The following CPNE8 variants were observed in gnomAD, a reference collection of about 807,000 sequenced individuals.
CPNE8 encodes copine 8.
Under a neutral mutation model 81.5 loss-of-function variants are expected in CPNE8, and 45 were observed. The ratio of observed to expected loss-of-function variants is 0.55; its 90% CI spans 0.44 to 0.71. The LOEUF is 0.71. Among genes scored for constraint, CPNE8 ranks in the 30% least tolerant of loss-of-function variants. CPNE8 has a pLI of 0.00. For missense variants in CPNE8, 594 were observed against 672.1 expected (o/e 0.88, Z 1.28); for synonymous variants, 252 against 226.3 (o/e 1.11, Z -1.02).
intron 6 of CPNE8, among the ~76,000 whole-genome samples, chr12:38,785,858 A>G (rs1263354559): frequency 1.3e-5 from 2 of 152,208 alleles, no homozygotes; most frequent in Non-Finnish European, 2.9e-5. Flanking sequence ...ATAATGAGTT[A>G]TAAGATAATA....
intron 6 of CPNE8, among the ~76,000 whole-genome samples, chr12:38,821,664 T>C (rs1424329476): frequency 2.0e-5 from 3 of 152,186 alleles, no homozygotes; most frequent in African/African-American, 7.2e-5. Context: ...TCATATCCTT[T>C]ACAATCCTTT....
chr12:38,793,629 A>G (rs1942381721), intron 6 of CPNE8, among the ~76,000 whole-genome samples: 1 of 152,010 alleles, frequency 6.6e-6, no homozygotes, highest in South Asian at 2.1e-4. Flanking sequence ...TGTTGTTAAG[A>G]TATCCATATT....
At chr12:38,750,835 G>A (rs1406366369) in intron 10 of CPNE8, among the ~76,000 whole-genome samples, 1 of 152,148 alleles carries the variant, frequency 6.6e-6, no homozygotes, top group Non-Finnish European at 1.5e-5. Context: ...TGTTGGGAGG[G>A]CATGATTGGT....
At chr12:38,811,506 T>C (rs1479148377) in intron 6 of CPNE8, among the ~76,000 whole-genome samples, 1 of 152,196 alleles carries the variant, frequency 6.6e-6, no homozygotes, top group African/African-American at 2.4e-5. Context: ...TTCAGTTATA[T>C]AAATTAAGAA....
intron 18 of CPNE8, among the ~76,000 whole-genome samples, chr12:38,671,512 A>G (rs542574540): frequency 6.6e-6 from 1 of 152,282 alleles, no homozygotes; most frequent in African/African-American, 2.4e-5. Context: ...GCAATTAAGA[A>G]CATTTTCTAG....
Position 38,851,838 on chromosome 12 carries a change from A to G in CPNE8, c.187-3176T>C, listed in dbSNP as rs529415691. ...GGCTCCTATTTTCCTCTCTAACCTCATTTTAGGCAGTATCCCTTCTTTCTC... is the reference window on the plus strand; with the variant it reads ...GGCTCCTATTTTCCTCTCTAACCTCGTTTTAGGCAGTATCCCTTCTTTCTC... On this transcript the variant is annotated intron_variant, in intron 3 of 19. Transcript: ENST00000331366. Among the ~76,000 whole-genome samples the G allele has an allele frequency of 3.9e-4, 60 of 152,120 alleles. 1 individual carries two copies. The South Asian group carries it at 0.012, about 31-fold the overall frequency.
At chr12:38,708,122 T>C (rs1940159044) in intron 13 of CPNE8, among the ~76,000 whole-genome samples, 1 of 152,212 alleles carries the variant, frequency 6.6e-6, no homozygotes, top group South Asian at 2.1e-4. Flanking sequence ...ATTCATATTA[T>C]AATACATACT....
At chr12:38,818,755 TA>T (rs1943066813) in intron 6 of CPNE8, among the ~76,000 whole-genome samples, 1 of 152,226 alleles carries the variant, frequency 6.6e-6, no homozygotes, top group Non-Finnish European at 1.5e-5. Flanking sequence ...ACCAACAGTG[TA>T]AAAGCATTCC....
intron 10 of CPNE8, among the ~76,000 whole-genome samples, chr12:38,759,453 A>G (rs1941530305): frequency 6.6e-6 from 1 of 152,210 alleles, no homozygotes; most frequent in South Asian, 2.1e-4. Flanking sequence ...AAAAATAGAA[A>G]GTTTTCTGAT....
chr12:38,883,035 A>G (rs777266080), intron 1 of CPNE8, among the ~76,000 whole-genome samples: 1 of 152,204 alleles, frequency 6.6e-6, no homozygotes, highest in African/African-American at 2.4e-5. Context: ...AATCTGTATC[A>G]CAAATTGCAC....
chr12:38,782,917 C>A (rs1181233030), intron 6 of CPNE8, among the ~76,000 whole-genome samples: 2 of 152,048 alleles, frequency 1.3e-5, no homozygotes, highest in African/African-American at 4.8e-5. Context: ...TGGGCTCAAG[C>A]AATCCTCCAG....
intron 14 of CPNE8, among the ~76,000 whole-genome samples, chr12:38,701,399 A>T (rs1417211570): frequency 1.3e-5 from 2 of 152,158 alleles, no homozygotes; most frequent in Non-Finnish European, 2.9e-5. Flanking sequence ...TTTCTTGCTT[A>T]TCTTAGTTGT....
At chr12:38,706,542 T>A (rs1033944510) in intron 13 of CPNE8, among the ~76,000 whole-genome samples, 1 of 152,172 alleles carries the variant, frequency 6.6e-6, no homozygotes, top group Admixed American at 6.6e-5. Context: ...TTATCAAGTA[T>A]ATAAATAACA....
At chr12:38,836,715 C>T (rs1237184646) in intron 5 of CPNE8, among the ~76,000 whole-genome samples, 8 of 152,148 alleles carry the variant, frequency 5.3e-5, no homozygotes, top group Non-Finnish European at 7.4e-5. Flanking sequence ...TAGACAACAA[C>T]AGTCTTAATG....
At chr12:38,669,872 GA>G (rs1939134622) in intron 19 of CPNE8, among the ~76,000 whole-genome samples, 1 of 152,148 alleles carries the variant, frequency 6.6e-6, no homozygotes, top group Non-Finnish European at 1.5e-5. Flanking sequence ...GTTGCAGAAA[GA>G]TGTATGGGAA....
At chr12:38,792,312 G>T (rs1489351841) in intron 6 of CPNE8, among the ~76,000 whole-genome samples, 1 of 147,768 alleles carries the variant, frequency 6.8e-6, no homozygotes, top group African/African-American at 2.5e-5. Flanking sequence ...TTTTTTTAAA[G>T]ATTGACAAAA....
intron 6 of CPNE8, among the ~76,000 whole-genome samples, chr12:38,818,746 C>T (rs1015640753): frequency 1.3e-5 from 2 of 152,176 alleles, no homozygotes; most frequent in African/African-American, 2.4e-5. Flanking sequence ...TACACTCCCA[C>T]CAACAGTGTA....
At chr12:38,762,032 C>T in intron 9 of CPNE8, 80 bp downstream of exon 9, 2 of 618,096 alleles carry the variant, frequency 3.2e-6, no homozygotes, top group Non-Finnish European at 2.5e-6. Context: ...TTTAATTAGC[C>T]AACTTATCCC....
chr12:38,867,684 A>G (rs912086463), intron 3 of CPNE8, among the ~76,000 whole-genome samples: 1 of 152,234 alleles, frequency 6.6e-6, no homozygotes, highest in Non-Finnish European at 1.5e-5. Context: ...ATTAGTTGGA[A>G]CATTCTCCCA....
Sources: allele counts gnomAD v4.1 joint callset (sites outside exome capture counted in the v4.1 genomes callset), GRCh38; gene constraint gnomAD v4.1.1; transcripts MANE v1.5; gene names NCBI Gene and HGNC (gene_info 2026-07-23, HGNC 2026-07-21).